The following DLGAP2 variants were observed in gnomAD, a reference collection of about 807,000 sequenced individuals.
The protein encoded by DLGAP2 is DLG associated protein 2, also known as disks large-associated protein 2.
DLGAP2 carries 26 observed loss-of-function variants against 100.3 expected under a neutral mutation model. The observed-to-expected ratio is 0.26, with a 90% CI of 0.19 to 0.36. DLGAP2 has a LOEUF of 0.36. Ranked by LOEUF, DLGAP2 falls within the 10% of genes least tolerant of loss-of-function variation. The pLI is 1.00. For synonymous variants in DLGAP2, 886 were observed against 630.1 expected (o/e 1.41, Z -6.08); for missense variants, 1,858 against 1,453.2 (o/e 1.28, Z -4.53).
intron 1 of DLGAP2, among the ~76,000 whole-genome samples, chr8:900,856 A>G (rs1798238269): frequency 6.6e-6 from 1 of 152,258 alleles, no homozygotes; most frequent in Non-Finnish European, 1.5e-5. Context: ...TGAGATGTTA[A>G]AAGAAAATGG....
Position 1,448,970 on chromosome 8 carries a change from G to A in DLGAP2, c.107-52396G>A, listed in dbSNP as rs79574365. Among the ~76,000 whole-genome samples the A allele has an allele frequency of 5.4e-3, 827 of 152,314 alleles. 8 individuals carry two copies. Among genetic ancestry groups the A allele is most frequent in the African/African-American group, 0.018 (755 of 41,562 alleles). ...AGCAAAGTCTGTGTCCTTAGGTCAC[G>A]CAAAGTCTGGTTTAAAAGCTGACGC... On this transcript the variant is annotated intron_variant, in intron 3 of 14. Coordinates refer to ENST00000637795, the MANE Select transcript of DLGAP2 (RefSeq NM_001346810.2).
At chr8:1,288,525 A>G (rs1799989586) in intron 3 of DLGAP2, among the ~76,000 whole-genome samples, 2 of 99,898 alleles carry the variant, frequency 2.0e-5, no homozygotes, top group South Asian at 3.7e-4. Context: ...TGTTAGGGGA[A>G]CTAGTTTCAG....
At chr8:1,427,929 C>T (rs1797282326) in intron 3 of DLGAP2, among the ~76,000 whole-genome samples, 1 of 152,220 alleles carries the variant, frequency 6.6e-6, no homozygotes, top group South Asian at 2.1e-4. Flanking sequence ...TTGTAAAATA[C>T]TTGGAATTAA....
chr8:1,448,835 A>G (rs1798056838), intron 3 of DLGAP2, among the ~76,000 whole-genome samples: 1 of 152,174 alleles, frequency 6.6e-6, no homozygotes, highest in Admixed American at 6.5e-5. Flanking sequence ...CCATGGAAAG[A>G]TTTGGAGAAA....
chr8:1,494,870 C>T (rs757746367), intron 3 of DLGAP2, among the ~76,000 whole-genome samples: 13 of 152,272 alleles, frequency 8.5e-5, no homozygotes, highest in East Asian at 1.9e-4. Flanking sequence ...TCTTCTGTGG[C>T]GGCAGAGAAC....
chr8:998,992 G>A (rs1414716855), intron 2 of DLGAP2, among the ~76,000 whole-genome samples: 1 of 152,154 alleles, frequency 6.6e-6, no homozygotes, highest in Non-Finnish European at 1.5e-5. Flanking sequence ...CATGTTACCT[G>A]TAGAATCCTG....
At chr8:1,680,535 C>T (rs1386314679) in intron 12 of DLGAP2, 2 of 152,224 alleles carry the variant, frequency 1.3e-5, no homozygotes, top group African/African-American at 4.8e-5. Context: ...CAAATCCCAC[C>T]TATTCTTTAC....
intron 2 of DLGAP2, among the ~76,000 whole-genome samples, chr8:1,189,599 T>C (rs1797590375): frequency 6.6e-6 from 1 of 152,212 alleles, no homozygotes; most frequent in African/African-American, 2.4e-5. Context: ...GAAACAGTAT[T>C]TTTTGTCATT....
intron 1 of DLGAP2, among the ~76,000 whole-genome samples, chr8:841,468 T>G (rs940936884): frequency 2.0e-5 from 3 of 152,204 alleles, no homozygotes; most frequent in African/African-American, 7.2e-5. Context: ...AACTCTGCTG[T>G]TTAGTGAAAC....
intron 2 of DLGAP2, among the ~76,000 whole-genome samples, chr8:1,197,613 C>G (rs557837061): frequency 2.6e-5 from 4 of 151,304 alleles, no homozygotes; most frequent in East Asian, 4.1e-4. Context: ...TGTGGAGCAT[C>G]TGGGCCACCA....
At chr8:1,463,234 GC>G (rs1432533815) in intron 3 of DLGAP2, among the ~76,000 whole-genome samples, 1 of 152,210 alleles carries the variant, frequency 6.6e-6, no homozygotes, top group African/African-American at 2.4e-5. Context: ...GGGTGACAGG[GC>G]AAGAATCTGT....
At chr8:1,675,889 C>T (rs765004099) in intron 10 of DLGAP2, among the ~76,000 whole-genome samples, 1 of 151,652 alleles carries the variant, frequency 6.6e-6, no homozygotes, top group Non-Finnish European at 1.5e-5. Flanking sequence ...CTTCACATAG[C>T]TGATGATCAT....
intron 1 of DLGAP2, among the ~76,000 whole-genome samples, chr8:750,830 A>C (rs907682087): frequency 6.6e-6 from 1 of 152,234 alleles, no homozygotes; most frequent in Non-Finnish European, 1.5e-5. Context: ...ATGGGATAGC[A>C]TTTTTTAAAA....
At chr8:1,110,147 ATCTGTGAGGTGTGCACGGG>A (rs1804902896) in intron 2 of DLGAP2, among the ~76,000 whole-genome samples, 1 of 76,282 alleles carries the variant, frequency 1.3e-5, no homozygotes, top group African/African-American at 5.1e-5. Flanking sequence ...TGTGTACTGT[ATCTGTGAGGTGTGCACGGG>A]TCTGTGAGGT....
chr8:1,304,319 G>T (rs755222367), intron 3 of DLGAP2, among the ~76,000 whole-genome samples: 1 of 152,228 alleles, frequency 6.6e-6, no homozygotes, highest in African/African-American at 2.4e-5. Flanking sequence ...TGGCCCTGAT[G>T]ATGAAGACGA....
chr8:1,438,150 C>T lies in DLGAP2; in HGVS notation c.107-63216C>T, dbSNP rs142299535. Among the ~76,000 whole-genome samples, 188 of 152,256 alleles carry T rather than the reference C, an allele frequency of 1.2e-3. 1 individual carries two copies. Among genetic ancestry groups the T allele is most frequent in the African/African-American group, 4.3e-3 (177 of 41,544 alleles). On this transcript the variant is annotated intron_variant, in intron 3 of 14. Coordinates refer to ENST00000637795, the MANE Select transcript of DLGAP2 (RefSeq NM_001346810.2). ...CTCAGGAAGTGCCGGAGGAAGTGCT[C>T]CCATCGTGTGGGTGTGGTTACGAGG...
intron 2 of DLGAP2, among the ~76,000 whole-genome samples, chr8:1,207,344 C>A (rs1197463971): frequency 6.6e-6 from 1 of 152,218 alleles, no homozygotes; most frequent in Non-Finnish European, 1.5e-5. Context: ...GTTTTCCATT[C>A]TTGTGTTACT....
At chr8:814,263 A>G (rs1351585860) in intron 1 of DLGAP2, among the ~76,000 whole-genome samples, 1 of 152,216 alleles carries the variant, frequency 6.6e-6, no homozygotes, top group Non-Finnish European at 1.5e-5. Flanking sequence ...CAGGTTGTGT[A>G]GTGCATAAGA....
chr8:1,518,816 C>T (rs1397471348), intron 4 of DLGAP2, among the ~76,000 whole-genome samples: 1 of 152,218 alleles, frequency 6.6e-6, no homozygotes, highest in Non-Finnish European at 1.5e-5. Flanking sequence ...CTGTCTTTGG[C>T]TACTGGAAAT....
Sources: allele counts gnomAD v4.1 joint callset (sites outside exome capture counted in the v4.1 genomes callset), GRCh38; gene constraint gnomAD v4.1.1; transcripts MANE v1.5; gene names NCBI Gene and HGNC (gene_info 2026-07-23, HGNC 2026-07-21).